The following VAT1L variants were observed in gnomAD, a reference collection of about 807,000 sequenced individuals.
VAT1L encodes the protein putative NADPH-dependent quinone oxidoreductase VAT1L.
A neutral mutation model predicts 44.1 loss-of-function variants in VAT1L; 34 were observed. The ratio of observed to expected loss-of-function variants is 0.77; its 90% CI spans 0.59 to 1.03. The LOEUF is 1.03. Among genes scored for constraint, VAT1L ranks in the 50% least tolerant of loss-of-function variants. The probability of loss-of-function intolerance (pLI) is 0.00; values close to 1 mark genes in which losing one functional copy is unlikely to be tolerated. For synonymous variants in VAT1L, 253 were observed against 202.2 expected (o/e 1.25, Z -2.13); for missense variants, 615 against 538.8 (o/e 1.14, Z -1.40).
intron 7 of VAT1L, among the ~76,000 whole-genome samples, chr16:77,914,846 C>T (rs1021268631): frequency 1.3e-5 from 2 of 152,148 alleles, no homozygotes; most frequent in African/African-American, 4.8e-5. Flanking sequence ...AGTTGATGGG[C>T]CGGACACGGT....
intron 1 of VAT1L, among the ~76,000 whole-genome samples, chr16:77,789,786 TG>T (rs974896413): frequency 6.6e-6 from 1 of 152,072 alleles, no homozygotes; most frequent in African/African-American, 2.4e-5. Context: ...CCATTCCCCC[TG>T]GGGGAACTTC....
chr16:77,933,811 C>T (rs1381058157), intron 7 of VAT1L, among the ~76,000 whole-genome samples: 2 of 152,088 alleles, frequency 1.3e-5, no homozygotes, highest in South Asian at 2.1e-4. Flanking sequence ...AAGGGGACAA[C>T]AGTAAATGAG....
chr16:77,922,199 G>A (rs1279492279), intron 7 of VAT1L, among the ~76,000 whole-genome samples: 1 of 152,148 alleles, frequency 6.6e-6, no homozygotes, highest in Non-Finnish European at 1.5e-5. Flanking sequence ...TGGAGGGGCA[G>A]TGTCTGTATG....
chr16:77,937,723 A>G (rs2017820288), intron 7 of VAT1L, among the ~76,000 whole-genome samples: 1 of 152,176 alleles, frequency 6.6e-6, no homozygotes, highest in African/African-American at 2.4e-5. Context: ...GGCCCTTCCC[A>G]CCTGACTGTC....
At chr16:77,887,675 C>T (rs898288746) in intron 7 of VAT1L, among the ~76,000 whole-genome samples, 1 of 152,284 alleles carries the variant, frequency 6.6e-6, no homozygotes, top group Non-Finnish European at 1.5e-5. Flanking sequence ...AGGACCAGCA[C>T]TAATGAGAGA....
rs1349709790 is a variant in VAT1L at position 77,879,533 on chromosome 16, G to A, written c.882+309G>A. Among the ~76,000 whole-genome samples, 4 of 152,264 alleles carry A rather than the reference G, an allele frequency of 2.6e-5. No individual in the cohort carries two copies. The highest frequency in any genetic ancestry group is 7.2e-5 in the African/African-American group (3 of 41,570). On this transcript the variant is annotated intron_variant, in intron 6 of 8. Transcript: ENST00000302536. The surrounding 1 kb of genome is among the most constrained non-coding windows in gnomAD (Gnocchi z 4.1). ...CTCAATCTGACCTCGTGATCTGCCC[G>A]CCTCAGCCTCCCAAAGTGCTGGGAT... is the stretch of plus-strand genomic sequence containing the variant.
intron 4 of VAT1L, among the ~76,000 whole-genome samples, chr16:77,867,102 G>C (rs1367678061): frequency 2.6e-5 from 4 of 152,134 alleles, no homozygotes; most frequent in Non-Finnish European, 5.9e-5. Flanking sequence ...AATCCTGCAA[G>C]GTGAACATTC....
intron 7 of VAT1L, among the ~76,000 whole-genome samples, chr16:77,940,220 A>G (rs74595215): frequency 0.021 from 3,266 of 152,254 alleles, 123 homozygotes; most frequent in African/African-American, 0.074. Flanking sequence ...ATTGCATCAA[A>G]ATTTCCACCA....
intron 7 of VAT1L, among the ~76,000 whole-genome samples, chr16:77,956,863 C>G (rs911994560): frequency 6.6e-6 from 1 of 152,162 alleles, no homozygotes; most frequent in African/African-American, 2.4e-5. Context: ...TCTCTGTTGG[C>G]TGACTAATTT....
chr16:77,846,648 A>G (rs1004674970), intron 3 of VAT1L, among the ~76,000 whole-genome samples: 1 of 152,170 alleles, frequency 6.6e-6, no homozygotes, highest in Non-Finnish European at 1.5e-5. Context: ...TTATACAAAA[A>G]TGTTCACTGA....
At chr16:77,797,170 G>A (rs376252808) in intron 1 of VAT1L, among the ~76,000 whole-genome samples, 2 of 150,678 alleles carry the variant, frequency 1.3e-5, no homozygotes, top group Non-Finnish European at 2.9e-5. Flanking sequence ...GGAGTGCAAT[G>A]GCGCTATCTT....
chr16:77,896,252 C>T (rs1447906111), intron 7 of VAT1L, among the ~76,000 whole-genome samples: 1 of 152,134 alleles, frequency 6.6e-6, no homozygotes, highest in African/African-American at 2.4e-5. Flanking sequence ...CTGCAAAATT[C>T]CTGGTCACCT....
At chr16:77,943,344 G>C (rs184973027) in intron 7 of VAT1L, among the ~76,000 whole-genome samples, 1 of 150,858 alleles carries the variant, frequency 6.6e-6, no homozygotes, top group Non-Finnish European at 1.5e-5. Flanking sequence ...GATTACAGGC[G>C]TGAACCACCG....
At chr16:77,839,040 C>T (rs1486911885) in intron 3 of VAT1L, among the ~76,000 whole-genome samples, 6 of 152,028 alleles carry the variant, frequency 3.9e-5, no homozygotes, top group Non-Finnish European at 7.3e-5. Flanking sequence ...TACAAAGAGG[C>T]GCATTAGTCA....
intron 7 of VAT1L, among the ~76,000 whole-genome samples, chr16:77,928,126 T>C (rs2017690234): frequency 6.6e-6 from 1 of 152,062 alleles, no homozygotes; most frequent in Admixed American, 6.6e-5. Context: ...GTCATTTTAA[T>C]ATTGTTTAGT....
At chr16:77,973,658 A>C (rs1251470077) in intron 8 of VAT1L, among the ~76,000 whole-genome samples, 1 of 149,262 alleles carries the variant, frequency 6.7e-6, no homozygotes, top group East Asian at 2.0e-4. Context: ...TTGATTCTTG[A>C]AGCTGCATCA....
Position 77,788,650 on chromosome 16 carries a change from C to G in VAT1L, c.-33C>G. ...CCCAGCGCCGCAGCCACCGCAGCCA[C>G]CGCAGCCCGTGCGCCCCGCGCCCTC... On this transcript the variant is annotated 5_prime_UTR_variant, in exon 1 of 9. Coordinates refer to ENST00000302536, the MANE Select transcript of VAT1L (RefSeq NM_020927.3). 2 of 1,545,616 alleles carry G rather than the reference C, an allele frequency of 1.3e-6. No homozygotes were observed.
At chr16:77,880,078 C>T (rs548923843) in intron 6 of VAT1L, among the ~76,000 whole-genome samples, 1 of 152,278 alleles carries the variant, frequency 6.6e-6, no homozygotes, top group East Asian at 1.9e-4. Flanking sequence ...AAAGCGACAT[C>T]CCTGGGCATT....
At chr16:77,974,832 G>A (rs1203599228) in intron 8 of VAT1L, among the ~76,000 whole-genome samples, 1 of 152,086 alleles carries the variant, frequency 6.6e-6, no homozygotes, top group Non-Finnish European at 1.5e-5. Flanking sequence ...GCCTCCCAAA[G>A]AGCTGGGATT....
Sources: allele counts gnomAD v4.1 joint callset (sites outside exome capture counted in the v4.1 genomes callset), GRCh38; gene constraint gnomAD v4.1.1; non-coding constraint Gnocchi (gnomAD v3.1); transcripts MANE v1.5; gene names NCBI Gene and HGNC (gene_info 2026-07-23, HGNC 2026-07-21).